The following CNTNAP2 variants were observed in gnomAD, a reference collection of about 807,000 sequenced individuals.
CNTNAP2 encodes contactin associated protein 2.
A neutral mutation model predicts 155.2 loss-of-function variants in CNTNAP2; 98 were observed. That is an observed-to-expected ratio of 0.63 (90% confidence interval 0.54 to 0.75). The LOEUF is 0.75. CNTNAP2 is among the 30% of genes least tolerant of loss of function. The pLI is 0.00. For missense variants in CNTNAP2, 1,727 were observed against 1,688.1 expected, an observed-to-expected ratio of 1.02 and a Z score of -0.40; for synonymous variants, 651 against 631.2, an observed-to-expected ratio of 1.03 and a Z score of -0.47.
chr7:146,271,781 A>T (rs904983581), intron 1 of CNTNAP2, among the ~76,000 whole-genome samples: 1 of 152,228 alleles, frequency 6.6e-6, no homozygotes, highest in East Asian at 1.9e-4. Context: ...ATTTTCTTAA[A>T]TTAAAAACCA....
At chr7:147,084,419 A>G (rs1351167667) in intron 4 of CNTNAP2, among the ~76,000 whole-genome samples, 1 of 129,610 alleles carries the variant, frequency 7.7e-6, no homozygotes, top group Non-Finnish European at 1.6e-5. Flanking sequence ...ACATATATGC[A>G]TAATGCTATA....
intron 11 of CNTNAP2, among the ~76,000 whole-genome samples, chr7:147,509,218 T>A (rs1365895299): frequency 6.6e-6 from 1 of 152,176 alleles, no homozygotes; most frequent in Non-Finnish European, 1.5e-5. Context: ...CAAATCTGAT[T>A]TAGGGCCCCC....
chr7:147,445,226 A>T (rs1797713372), intron 10 of CNTNAP2, among the ~76,000 whole-genome samples: 1 of 152,192 alleles, frequency 6.6e-6, no homozygotes, highest in Non-Finnish European at 1.5e-5. Flanking sequence ...CTCCTGCTTT[A>T]TGGATGATTT....
intron 3 of CNTNAP2, among the ~76,000 whole-genome samples, chr7:146,866,608 C>T (rs1244090169): frequency 6.6e-6 from 1 of 152,064 alleles, no homozygotes; most frequent in Non-Finnish European, 1.5e-5. Flanking sequence ...ACCTGCATAA[C>T]ACATTTGGCT....
chr7:147,552,373 C>T (rs1799867972), intron 11 of CNTNAP2, among the ~76,000 whole-genome samples: 1 of 152,024 alleles, frequency 6.6e-6, no homozygotes, highest in Admixed American at 6.6e-5. Context: ...TACAGTAAAA[C>T]ATTTTAAAGC....
chr7:146,616,143 G>A (rs973255343), intron 1 of CNTNAP2, among the ~76,000 whole-genome samples: 11 of 151,954 alleles, frequency 7.2e-5, no homozygotes, highest in African/African-American at 2.2e-4. Flanking sequence ...AAAATAAGAG[G>A]GGATGAGAGA....
intron 15 of CNTNAP2, among the ~76,000 whole-genome samples, chr7:147,997,770 T>C (rs1031139710): frequency 6.6e-6 from 1 of 152,116 alleles, no homozygotes; most frequent in African/African-American, 2.4e-5. Context: ...TGATTATTCC[T>C]AAGGAGGTGA....
intron 14 of CNTNAP2, among the ~76,000 whole-genome samples, chr7:147,969,933 A>ATTTTATTTAT (rs1399287024): frequency 1.3e-5 from 2 of 148,684 alleles, no homozygotes; most frequent in African/African-American, 2.4e-5. Flanking sequence ...ATTTTATTTT[A>ATTTTATTTAT]TTTATTTTAT....
At chr7:146,636,392 T>G (rs537241312) in intron 1 of CNTNAP2, among the ~76,000 whole-genome samples, 1 of 151,138 alleles carries the variant, frequency 6.6e-6, no homozygotes, top group Non-Finnish European at 1.5e-5. Flanking sequence ...CACACACATA[T>G]GAAATTCAGG....
chr7:147,575,511 C>CTTTG (rs1800381534), intron 12 of CNTNAP2, among the ~76,000 whole-genome samples: 1 of 132,582 alleles, frequency 7.5e-6, no homozygotes, highest in Non-Finnish European at 1.6e-5. Context: ...GGGTATACAA[C>CTTTG]TGTGTGTGTG....
At chr7:147,230,285 G>A in intron 8 of CNTNAP2, among the ~76,000 whole-genome samples, 1 of 151,822 alleles carries the variant, frequency 6.6e-6, no homozygotes, top group South Asian at 2.1e-4. Context: ...TTGAGACAGA[G>A]TCTCTCTCTG....
At chr7:147,793,379 G>T (rs979495170) in intron 13 of CNTNAP2, among the ~76,000 whole-genome samples, 1 of 151,994 alleles carries the variant, frequency 6.6e-6, no homozygotes, top group Non-Finnish European at 1.5e-5. Context: ...TGAGATAGGG[G>T]TCAAACTTTA....
At position 147,202,460 on chromosome 7, in the gene CNTNAP2, TA is replaced by T. The variant is rs201506546; in HGVS notation, c.1348+69958del. On this transcript the variant is annotated intron_variant, in intron 8 of 23. Transcript: ENST00000361727. ...GGGAATATAGGTTGCCAAAATAAAA[TA>T]AAAAAACATTTATAGATGAAGAAAG... Among the ~76,000 whole-genome samples the T allele has an allele frequency of 6.6e-3, 1,004 of 152,062 alleles. 14 individuals are homozygous for T. Among genetic ancestry groups the T allele is most frequent in the African/African-American group, 0.023 (944 of 41,474 alleles).
intron 1 of CNTNAP2, among the ~76,000 whole-genome samples, chr7:146,758,424 C>T (rs1160800242): frequency 6.6e-6 from 1 of 152,118 alleles, no homozygotes; most frequent in Non-Finnish European, 1.5e-5. Context: ...CTTTGATCTC[C>T]TGAGTTCTGG....
chr7:146,151,992 A>T (rs916411842), intron 1 of CNTNAP2, among the ~76,000 whole-genome samples: 1 of 151,600 alleles, frequency 6.6e-6, no homozygotes, highest in East Asian at 2.0e-4. Context: ...CTACCATATG[A>T]TTCAGCAATG....
chr7:147,456,209 A>C (rs1797915630), intron 10 of CNTNAP2, among the ~76,000 whole-genome samples: 5 of 152,132 alleles, frequency 3.3e-5, no homozygotes, highest in Admixed American at 3.3e-4. Context: ...GGTGCTACCC[A>C]CTGTTTTTAC....
chr7:146,663,541 A>G (rs539108607), intron 1 of CNTNAP2, among the ~76,000 whole-genome samples: 1 of 152,238 alleles, frequency 6.6e-6, no homozygotes, highest in African/African-American at 2.4e-5. Context: ...CCATTTATTT[A>G]GGCCTTTTAA....
chr7:146,814,530 A>G (rs1033981103), intron 2 of CNTNAP2, among the ~76,000 whole-genome samples: 2 of 152,206 alleles, frequency 1.3e-5, no homozygotes, highest in African/African-American at 4.8e-5. Context: ...CAAACTATAG[A>G]CCAAATGTTT....
chr7:146,988,203 G>A (rs1357708), intron 3 of CNTNAP2, among the ~76,000 whole-genome samples: 146,870 of 152,196 alleles, frequency 0.97, 70,882 homozygotes, highest in East Asian at 1. Context: ...TAAAATTCAC[G>A]GTCACATAAA....
Sources: gnomAD v4.1 joint callset for allele counts (sites outside exome capture counted in the v4.1 genomes callset) on GRCh38, gnomAD v4.1.1 for gene constraint, MANE v1.5 for transcripts, NCBI Gene and HGNC (gene_info 2026-07-23, HGNC 2026-07-21) for gene names.